Variants in KCTD19 observed in about 807,000 individuals in gnomAD.
KCTD19 encodes BTB/POZ domain-containing protein KCTD19.
In KCTD19, 67 loss-of-function variants were observed where a neutral mutation model predicts 103.5. That is an observed-to-expected ratio of 0.65 (90% CI 0.53 to 0.79). The LOEUF (loss-of-function observed/expected upper bound fraction) is 0.79. KCTD19 is among the 30% of genes least tolerant of loss of function. The pLI is 0.00. For missense variants in KCTD19, 980 were observed against 1,136.1 expected (o/e 0.86, Z 1.98); for synonymous variants, 439 against 452.2 (o/e 0.97, Z 0.37).
chr16:67,291,733 A>G lies in KCTD19; in HGVS notation c.2323T>C (p.Cys775Arg). The change falls in exon 13 of 16, where the codon TGC (cysteine) becomes CGC (arginine). Residue 775 changes from cysteine (C) to arginine (R), a missense_variant. By Grantham distance (180) the Cys-to-Arg change is radical (BLOSUM62 -3). Coordinates refer to ENST00000304372, the MANE Select transcript of KCTD19 (RefSeq NM_001100915.3). ...HPPVVGSDGF[C>R]MFFEDSIIYT... ...ATGATGCTGTCCTCAAAGAACATGC[A>G]GAAGCCATCGCTGCCCACCACGGGG... The G allele has an allele frequency of 3.1e-6, 5 of 1,614,174 alleles. No homozygotes were observed. Among genetic ancestry groups the G allele is most frequent in the Non-Finnish European group, 4.2e-6 (5 of 1,180,008 alleles).
In KCTD19 at chr16:67,299,367, C is replaced by T. The variant is rs1056854955; in HGVS notation, c.982G>A (p.Val328Ile). ...GTGCCCTAAGGAGGACCTCACTTGACGTGCTGAAAGAGGACGCCATTCCCT... is the reference window on the plus strand; with the variant it reads ...GTGCCCTAAGGAGGACCTCACTTGATGTGCTGAAAGAGGACGCCATTCCCT... ...ITGNGVLFQH[V>I]KNWLGTCRLP... Residue 328 changes from valine to isoleucine, a missense_variant, in exon 6 of 16, where the codon GTC (valine) becomes ATC (isoleucine). By Grantham distance (29) the Val-to-Ile change is conservative. Coordinates refer to ENST00000304372, the MANE Select transcript of KCTD19 (RefSeq NM_001100915.3). 5 of 1,614,166 alleles carry T rather than the reference C, an allele frequency of 3.1e-6. No homozygotes were observed. The highest frequency in any genetic ancestry group is 2.7e-5 in the African/African-American group (2 of 75,056).
chr16:67,298,353 G>T (rs147150367), intron 6 of KCTD19, among the ~76,000 whole-genome samples: 1 of 152,016 alleles, frequency 6.6e-6, no homozygotes, highest in East Asian at 1.9e-4. Context: ...CTGGACAACC[G>T]GTCACATTTT....
chr16:67,295,079 C>T (rs1342712412), intron 9 of KCTD19, 23 bp from the exon 10 acceptor site: 1 of 1,605,664 alleles, frequency 6.2e-7, no homozygotes, highest in South Asian at 1.1e-5. Context: ...AGGAGATATC[C>T]AGCTGGGCAG....
Position 67,299,535 on chromosome 16 carries a change from CG to C in KCTD19, c.813del (p.Lys273ArgfsTer11). 2.5e-6 allele frequency: 4 copies of C among 1,613,910 alleles called. No homozygotes were observed. The highest frequency in any genetic ancestry group is 3.4e-6 in the Non-Finnish European group (4 of 1,180,008). On this transcript the variant is annotated frameshift_variant, in exon 6 of 16. Transcript: ENST00000304372. LOFTEE classifies it high-confidence loss of function. ...CSPTTCSPLS[P>X]GKGARTASLE... ...AGGCTGGCTGTGCGGGCCCCCTTCC[CG>C]GGGCTCAGGGGAGAACAGGTGGTCG...
At chr16:67,290,200 C>T (rs1215362825) in intron 15 of KCTD19, among the ~76,000 whole-genome samples, 14 of 95,868 alleles carry the variant, frequency 1.5e-4, no homozygotes, top group African/African-American at 3.7e-4. Context: ...TTTTTTGAGA[C>T]GGAGTCTCGC....
chr16:67,321,433 A>G (rs1023504078), intron 1 of KCTD19, among the ~76,000 whole-genome samples: 10 of 152,124 alleles, frequency 6.6e-5, no homozygotes, highest in Non-Finnish European at 1.5e-4. Context: ...TAAATAAATG[A>G]AAAAATATCT....
At position 67,296,257 on chromosome 16, in the gene KCTD19, C is replaced by A. The variant is rs917495926; in HGVS notation, c.1150G>T (p.Glu384Ter). 11 of 1,602,600 alleles carry A rather than the reference C, an allele frequency of 6.9e-6. No individual in the cohort carries two copies. The highest frequency in any genetic ancestry group is 1.3e-5 in the African/African-American group (1 of 74,836). Reference sequence around the variant, plus strand: ...TACACAGTGATCTCTGCCGTCCACTCATCTATGGGAATCCAGGAGATAGAA... The same window carrying A: ...TACACAGTGATCTCTGCCGTCCACTAATCTATGGGAATCCAGGAGATAGAA... ...RTLAPMDVLNEWTAEITVYSP... is the reference protein window; with the variant it reads ...RTLAPMDVLN Residue 384 changes from glutamate to a stop codon, truncating the protein, a stop_gained and splice_region_variant, in exon 8 of 16, where the codon GAG (glutamate) becomes TAG (stop). Transcript: ENST00000304372. LOFTEE classifies it high-confidence loss of function.
At position 67,291,675 on chromosome 16, in the gene KCTD19, G is replaced by A. The variant is rs368156690; in HGVS notation, c.2381C>T (p.Thr794Ile). The A allele has an allele frequency of 3.2e-5, 51 of 1,613,876 alleles. No homozygotes were observed. The highest frequency in any genetic ancestry group is 4.3e-5 in the Non-Finnish European group (51 of 1,179,970). Residue 794 changes from threonine to isoleucine, a missense_variant, in exon 13 of 16, where the codon ACA (threonine) becomes ATA (isoleucine). Transcript: ENST00000304372. ...GGGCTGGGGACTGGCTGTGGGTGTTGTGTGCCTGAGGTTGTCCATCTCCGT... is the reference window on the plus strand; with the variant it reads ...GGGCTGGGGACTGGCTGTGGGTGTTATGTGCCTGAGGTTGTCCATCTCCGT... ...YTTEMDNLRH[T>I]TPTASPQPQE...
intron 2 of KCTD19, among the ~76,000 whole-genome samples, chr16:67,311,237 G>A (rs570117222): frequency 6.6e-6 from 1 of 152,276 alleles, no homozygotes; most frequent in African/African-American, 2.4e-5. Flanking sequence ...TCTGTTATGA[G>A]AGCAGAGAGA....
rs1387725455 is a variant in KCTD19, at chr16:67,301,854, C to A, written c.712G>T (p.Glu238Ter). Residue 238 changes from glutamate (E) to a stop codon, truncating the protein, a stop_gained, in exon 5 of 16, where the codon GAA becomes TAA. Coordinates refer to ENST00000304372, the MANE Select transcript of KCTD19 (RefSeq NM_001100915.3). LOFTEE classifies it high-confidence loss of function. ...NFSNIDVLEA[E>*]VEILEIPALT... ...GCAGGGATTTCCAGAATTTCCACTT[C>A]TGCTTCTAATACATCAATGTTGGAG... is the stretch of plus-strand genomic sequence containing the variant. 3.1e-6 allele frequency: 5 copies of A among 1,613,494 alleles called. No individual in the cohort carries two copies. Among genetic ancestry groups the A allele is most frequent in the Non-Finnish European group, 4.2e-6 (5 of 1,179,428 alleles).
intron 2 of KCTD19, among the ~76,000 whole-genome samples, chr16:67,310,609 T>G (rs557651632): frequency 1.3e-3 from 192 of 152,288 alleles, no homozygotes; most frequent in African/African-American, 3.7e-3. Flanking sequence ...TTGGCCTAGA[T>G]AGTGGTGAAA....
chr16:67,314,840 G>T (rs1350501903), intron 2 of KCTD19, among the ~76,000 whole-genome samples: 49 of 124,232 alleles, frequency 3.9e-4, no homozygotes, highest in African/African-American at 1.3e-3. Flanking sequence ...TAGAGAGAGA[G>T]AGAGAGAGAG....
intron 2 of KCTD19, among the ~76,000 whole-genome samples, chr16:67,309,141 A>G (rs2142514493): frequency 6.6e-6 from 1 of 151,982 alleles, no homozygotes; most frequent in African/African-American, 2.4e-5. Context: ...AAAAAAAAAA[A>G]AAAGAAAAAA....
intron 4 of KCTD19, chr16:67,302,189 G>A (rs565784647): frequency 3.0e-4 from 109 of 366,050 alleles, no homozygotes; most frequent in African/African-American, 1.3e-3. Context: ...CCCTCCTGGT[G>A]GGCACACTGG....
intron 1 of KCTD19, among the ~76,000 whole-genome samples, chr16:67,322,481 G>T (rs1458457067): frequency 1.3e-5 from 2 of 152,030 alleles, no homozygotes; most frequent in African/African-American, 2.4e-5. Flanking sequence ...TGTATTTTTA[G>T]TAGAGATGGG....
intron 2 of KCTD19, among the ~76,000 whole-genome samples, chr16:67,304,829 A>G (rs1361049129): frequency 2.0e-5 from 3 of 151,920 alleles, no homozygotes; most frequent in Admixed American, 6.6e-5. Context: ...ACGCCTGGCT[A>G]ATTTTTTTTT....
chr16:67,301,507 G>C (rs551569197), intron 5 of KCTD19: 1 of 269,440 alleles, frequency 3.7e-6, no homozygotes, highest in Non-Finnish European at 7.0e-6. Flanking sequence ...TTCCAGCCTG[G>C]CTCCCCACCC....
rs146081375 is a variant in KCTD19, at chr16:67,306,677, A to G, written c.301-2106T>C. Among the ~76,000 whole-genome samples the G allele has an allele frequency of 3.3e-5, 5 of 152,270 alleles. No homozygotes were observed. The East Asian group carries it at 9.6e-4, about 29-fold the overall frequency. ...TGAGTCCAAATCACTCCTCATCTTA[A>G]AAAACTTTAGTGCTTCCTGTTGCTA... On this transcript the variant is annotated intron_variant, in intron 2 of 15. Transcript: ENST00000304372.
chr16:67,301,760 G>A (rs751733264), intron 5 of KCTD19, 31 bp downstream of exon 5: 5 of 1,609,968 alleles, frequency 3.1e-6, no homozygotes, highest in Admixed American at 3.3e-5. Context: ...CAAGACTGTC[G>A]AGGGGGAGCC....
Sources: gnomAD v4.1 joint callset for allele counts (sites outside exome capture counted in the v4.1 genomes callset) on GRCh38, gnomAD v4.1.1 for gene constraint, MANE v1.5 for transcripts, NCBI Gene and HGNC (gene_info 2026-07-23, HGNC 2026-07-21) for gene names.